DTNA: variants seen among roughly 807,000 people sequenced by gnomAD.
The protein encoded by DTNA is dystrophin-related protein 3.
DTNA carries 43 observed loss-of-function variants against 100.7 expected under a neutral mutation model. That is an observed-to-expected ratio of 0.43 (90% CI 0.33 to 0.55). The LOEUF (loss-of-function observed/expected upper bound fraction) is 0.55, where lower values mean the gene tolerates loss of function less well. Ranked by LOEUF, DTNA falls within the 20% of genes least tolerant of loss-of-function variation. The pLI, the probability that DTNA is intolerant of heterozygous loss-of-function variation, is 0.04. For synonymous variants in DTNA, 349 were observed against 347.9 expected (o/e 1.00, Z -0.04); for missense variants, 798 against 953.9 (o/e 0.84, Z 2.15).
chr18:34,743,384 A>C (rs1380800863), intron 1 of DTNA, among the ~76,000 whole-genome samples: 1 of 152,152 alleles, frequency 6.6e-6, no homozygotes, highest in Non-Finnish European at 1.5e-5. Flanking sequence ...CAATCACCAG[A>C]GTCCCTACAA....
At chr18:34,809,693 C>T (rs910581102) in intron 5 of DTNA, among the ~76,000 whole-genome samples, 1 of 152,050 alleles carries the variant, frequency 6.6e-6, no homozygotes, top group Non-Finnish European at 1.5e-5. Context: ...CCAGCTACTC[C>T]CTTATTGTTG....
At chr18:34,685,598 T>C (rs12104112) in intron 1 of DTNA, among the ~76,000 whole-genome samples, 5,456 of 152,264 alleles carry the variant, frequency 0.036, 314 homozygotes, top group African/African-American at 0.12. Flanking sequence ...TTCTTTTGGC[T>C]TAGGATTGTC....
intron 11 of DTNA, among the ~76,000 whole-genome samples, chr18:34,831,637 G>A (rs1219368673): frequency 2.0e-5 from 3 of 152,066 alleles, no homozygotes; most frequent in African/African-American, 7.2e-5. Flanking sequence ...GCACAGTGGC[G>A]GGTGCCTGTA....
chr18:34,847,087 G>A (rs2096393321), intron 13 of DTNA, among the ~76,000 whole-genome samples: 2 of 152,172 alleles, frequency 1.3e-5, no homozygotes, highest in Non-Finnish European at 2.9e-5. Context: ...CAACTAGTTT[G>A]TTAACAAGAT....
chr18:34,869,970 G>A (rs540538671), intron 17 of DTNA, among the ~76,000 whole-genome samples: 14 of 152,326 alleles, frequency 9.2e-5, no homozygotes, highest in Non-Finnish European at 1.6e-4. Context: ...GCAGTGAGCT[G>A]AGATCGTGCC....
chr18:34,845,389 C>A lies in DTNA; in HGVS notation c.1347-2907C>A, dbSNP rs144848530. ...TCCAGGAGGCTTTTTAAAAATATAA[C>A]CTTCATATTACTTACACTAGCTAGT... is the stretch of plus-strand genomic sequence containing the variant. On this transcript the variant is annotated intron_variant, in intron 13 of 22. Coordinates refer to ENST00000444659, the MANE Select transcript of DTNA (RefSeq NM_001386795.1). Among the ~76,000 whole-genome samples the A allele has an allele frequency of 5.2e-3, 785 of 151,974 alleles. 4 individuals carry two copies. The highest frequency in any genetic ancestry group is 8.9e-3 in the Non-Finnish European group (608 of 67,954).
At chr18:34,829,230 T>C (rs2095940073) in intron 10 of DTNA, 170 bp from the exon 11 acceptor site, 1 of 1,543,684 alleles carries the variant, frequency 6.5e-7, no homozygotes, top group Non-Finnish European at 8.7e-7. Flanking sequence ...ACCACAGTTG[T>C]GTTGTTTAAA....
At chr18:34,698,253 T>C (rs1412516782) in intron 1 of DTNA, among the ~76,000 whole-genome samples, 2 of 152,110 alleles carry the variant, frequency 1.3e-5, no homozygotes, top group Non-Finnish European at 2.9e-5. Flanking sequence ...TTTCCTAGAG[T>C]TGCTGTCACA....
chr18:34,553,330 G>A (rs1428945997), intron 1 of DTNA, among the ~76,000 whole-genome samples: 2 of 151,566 alleles, frequency 1.3e-5, no homozygotes, highest in Admixed American at 6.6e-5. Flanking sequence ...TTTGTAGGTT[G>A]CCCGTTCACT....
chr18:34,859,235 A>G (rs1356664758), intron 16 of DTNA, among the ~76,000 whole-genome samples: 1 of 152,198 alleles, frequency 6.6e-6, no homozygotes, highest in Non-Finnish European at 1.5e-5. Flanking sequence ...TTGACCACGA[A>G]GTTGTCCAGG....
At chr18:34,684,600 A>G (rs1367972150) in intron 1 of DTNA, among the ~76,000 whole-genome samples, 2 of 152,186 alleles carry the variant, frequency 1.3e-5, no homozygotes. Context: ...TAGTGCTGCA[A>G]TAAACATACA....
intron 1 of DTNA, among the ~76,000 whole-genome samples, chr18:34,626,786 C>A (rs758655822): frequency 5.3e-5 from 8 of 152,192 alleles, no homozygotes; most frequent in Non-Finnish European, 1.0e-4. Flanking sequence ...ACAGATGCAG[C>A]CTGGGGCTGT....
intron 4 of DTNA, among the ~76,000 whole-genome samples, chr18:34,795,281 G>C (rs2094922619): frequency 6.6e-6 from 1 of 152,216 alleles, no homozygotes; most frequent in African/African-American, 2.4e-5. Context: ...GCTACCAGCT[G>C]TCACTTTGCA....
chr18:34,614,545 C>T (rs2054863164), intron 1 of DTNA, among the ~76,000 whole-genome samples: 1 of 152,074 alleles, frequency 6.6e-6, no homozygotes, highest in African/African-American at 2.4e-5. Flanking sequence ...GTCAAAATAT[C>T]ATTAACAGGA....
intron 4 of DTNA, among the ~76,000 whole-genome samples, chr18:34,805,214 T>C (rs1034142008): frequency 6.6e-6 from 1 of 152,226 alleles, no homozygotes; most frequent in Non-Finnish European, 1.5e-5. Context: ...ATACTTTTTA[T>C]CATATCCCCT....
intron 17 of DTNA, chr18:34,866,224 A>C: frequency 6.2e-7 from 1 of 1,612,680 alleles, no homozygotes. Flanking sequence ...ATGTATGTTC[A>C]TGCTTCAGTT....
At chr18:34,821,443 C>G (rs1602660958) in intron 9 of DTNA, 1 of 455,404 alleles carries the variant, frequency 2.2e-6, no homozygotes, top group African/African-American at 2.0e-5. Flanking sequence ...GAAAATTTAT[C>G]AGAATATCCA....
chr18:34,825,963 T>C (rs1051865715), intron 9 of DTNA, among the ~76,000 whole-genome samples: 3 of 152,212 alleles, frequency 2.0e-5, no homozygotes, highest in Admixed American at 1.3e-4. Flanking sequence ...AAAATTAGCA[T>C]CCTTCTTCCA....
intron 1 of DTNA, among the ~76,000 whole-genome samples, chr18:34,581,560 C>CT (rs1646956745): frequency 6.6e-6 from 1 of 150,526 alleles, no homozygotes; most frequent in African/African-American, 2.4e-5. Context: ...CACACAGTTA[C>CT]TTTTAGAACA....
Sources: allele counts gnomAD v4.1 joint callset (sites outside exome capture counted in the v4.1 genomes callset), GRCh38; gene constraint gnomAD v4.1.1; transcripts MANE v1.5; gene names NCBI Gene and HGNC (gene_info 2026-07-23, HGNC 2026-07-21).